FAAH2: variants seen among roughly 807,000 people sequenced by gnomAD.
FAAH2 encodes the protein fatty-acid amide hydrolase 2.
FAAH2 carries 60 observed loss-of-function variants against 36.9 expected under a neutral mutation model. The ratio of observed to expected loss-of-function variants is 1.63; its 90% CI spans 1.32 to 2.02. FAAH2 has a LOEUF of 2.02. FAAH2 is among the 30% of genes most tolerant of loss of function. The pLI, the probability that FAAH2 is intolerant of heterozygous loss-of-function variation, is 0.00. For missense variants in FAAH2, 689 were observed against 397.5 expected, an observed-to-expected ratio of 1.73 and a Z score of -6.23; for synonymous variants, 214 against 143.8, an observed-to-expected ratio of 1.49 and a Z score of -3.49.
intron 10 of FAAH2, among the ~76,000 whole-genome samples, chrX:57,482,373 C>A (rs1372936658): frequency 9.0e-6 from 1 of 111,451 alleles, no homozygotes; most frequent in Non-Finnish European, 1.9e-5. Context: ...AACTCAGGGC[C>A]CCGGTGGTGT....
the FAAH2 span, among the ~76,000 whole-genome samples, chrX:57,265,207 C>T: frequency 2.7e-5 from 3 of 111,573 alleles, no homozygotes; most frequent in African/African-American, 3.3e-5. Flanking sequence ...CAGGCATGCA[C>T]GAGACTCAGG....
At chrX:57,352,297 A>C (rs1009597700) in intron 5 of FAAH2, among the ~76,000 whole-genome samples, 2 of 105,105 alleles carry the variant, frequency 1.9e-5, no homozygotes, top group East Asian at 6.1e-4. Context: ...CAGGGATGTA[A>C]AAATGGTTCG....
the FAAH2 span, among the ~76,000 whole-genome samples, chrX:57,268,383 A>C: frequency 8.9e-6 from 1 of 111,841 alleles, no homozygotes; most frequent in East Asian, 2.8e-4. Context: ...TGATTGGTGT[A>C]CCTGAAAGAG....
Position 57,331,578 on chromosome X carries a change from C to T in FAAH2, c.413-20C>T. On this transcript the variant is annotated intron_variant, in intron 3 of 10. Transcript: ENST00000374900. ...TTTTATTTAATAATTTTTAAACATT[C>T]TTTTCTGTGACTCTTTTAGGAATGC... The T allele has an allele frequency of 1.7e-6, 2 of 1,182,703 alleles. No individual in the cohort carries two copies. The highest frequency in any genetic ancestry group is 1.9e-5 in the South Asian group (1 of 53,910).
At chrX:57,248,102 C>T in the FAAH2 span, among the ~76,000 whole-genome samples, 21 of 111,730 alleles carry the variant, frequency 1.9e-4, no homozygotes, top group African/African-American at 6.5e-4. Context: ...AGCTAACATT[C>T]TAGAGAAGAA....
intron 7 of FAAH2, chrX:57,392,645 A>C: frequency 1.4e-6 from 1 of 691,637 alleles, no homozygotes; most frequent in African/African-American, 2.1e-5. Context: ...TGATCTGTTT[A>C]GAATGATCCA....
the FAAH2 span, among the ~76,000 whole-genome samples, chrX:57,208,334 C>A: frequency 8.9e-6 from 1 of 112,339 alleles, no homozygotes; most frequent in African/African-American, 3.2e-5. Context: ...TTCCTTCTTC[C>A]TCATCATTAG....
chrX:57,258,976 C>T, the FAAH2 span, among the ~76,000 whole-genome samples: 1 of 110,187 alleles, frequency 9.1e-6, no homozygotes, highest in African/African-American at 3.3e-5. Flanking sequence ...GCCTCAGCCT[C>T]CCAAAGTGCT....
chrX:57,338,334 G>T (rs2053604975), intron 4 of FAAH2, among the ~76,000 whole-genome samples: 1 of 111,812 alleles, frequency 8.9e-6, no homozygotes, highest in South Asian at 3.8e-4. Flanking sequence ...ACAAGGTAAT[G>T]TAATCACTTA....
At chrX:57,149,152 G>A in the FAAH2 span, among the ~76,000 whole-genome samples, 88 of 111,622 alleles carry the variant, frequency 7.9e-4, 1 homozygote, top group East Asian at 9.3e-3. Flanking sequence ...TGCTGGATTC[G>A]TTTTGCCAGT....
In FAAH2 at chrX:57,488,743, T is replaced by C. The variant is rs1331061853; in HGVS notation, c.1424-14T>C. The C allele has an allele frequency of 8.3e-7, 1 of 1,206,136 alleles. No individual in the cohort carries two copies. Among genetic ancestry groups the C allele is most frequent in the Admixed American group, 2.2e-5 (1 of 44,789 alleles). On this transcript the variant is annotated splice_polypyrimidine_tract_variant and intron_variant, in intron 10 of 10. Coordinates refer to ENST00000374900, the MANE Select transcript of FAAH2 (RefSeq NM_174912.4). ...AGGTCTTGATTTCTCACTTATTTTGTTTGTTTTCTTCAGGTGTCTTCAGTG... is the reference window on the plus strand; with the variant it reads ...AGGTCTTGATTTCTCACTTATTTTGCTTGTTTTCTTCAGGTGTCTTCAGTG...
At chrX:57,382,509 A>T (rs967942896) in intron 7 of FAAH2, among the ~76,000 whole-genome samples, 1 of 112,089 alleles carries the variant, frequency 8.9e-6, no homozygotes. Flanking sequence ...CACCAATCCC[A>T]CAGAAGTACA....
intron 10 of FAAH2, among the ~76,000 whole-genome samples, chrX:57,471,135 TATC>T (rs1319389954): frequency 1.1e-4 from 12 of 111,556 alleles, no homozygotes; most frequent in Non-Finnish European, 1.9e-4. Flanking sequence ...TCACAGCCAA[TATC>T]ATACTGAATG....
chrX:57,413,142 G>A (rs1043910666), intron 7 of FAAH2, among the ~76,000 whole-genome samples: 2 of 111,802 alleles, frequency 1.8e-5, no homozygotes, highest in Non-Finnish European at 3.8e-5. Context: ...CAGATGGAGA[G>A]ATTGCAAAAA....
At chrX:57,168,488 A>G in the FAAH2 span, among the ~76,000 whole-genome samples, 1 of 112,223 alleles carries the variant, frequency 8.9e-6, no homozygotes, top group Non-Finnish European at 1.9e-5. Flanking sequence ...CTTCAAATCA[A>G]ATAATCACAT....
chrX:57,124,202 A>G, the FAAH2 span, among the ~76,000 whole-genome samples: 3 of 111,695 alleles, frequency 2.7e-5, no homozygotes, highest in Admixed American at 9.4e-5. Context: ...GAAGGGATCC[A>G]GTTTCAGCTT....
chrX:57,330,418 G>C (rs770729001), intron 3 of FAAH2, among the ~76,000 whole-genome samples: 1 of 111,588 alleles, frequency 9.0e-6, no homozygotes, highest in Admixed American at 9.5e-5. Context: ...GTTCAGACTG[G>C]TTGCTCTCAA....
chrX:57,335,518 C>T (rs751521398), intron 4 of FAAH2, among the ~76,000 whole-genome samples: 6 of 113,227 alleles, frequency 5.3e-5, no homozygotes, highest in Admixed American at 4.6e-4. Flanking sequence ...GTATTGCTGC[C>T]AGCATGTCCC....
At chrX:57,474,366 C>T (rs771674345) in intron 10 of FAAH2, among the ~76,000 whole-genome samples, 4 of 110,513 alleles carry the variant, frequency 3.6e-5, no homozygotes, top group African/African-American at 9.9e-5. Flanking sequence ...CCTTGTCCCC[C>T]GCCCCCAACA....
Sources: allele counts gnomAD v4.1 joint callset (sites outside exome capture counted in the v4.1 genomes callset), GRCh38; gene constraint gnomAD v4.1.1; transcripts MANE v1.5; gene names NCBI Gene and HGNC (gene_info 2026-07-23, HGNC 2026-07-21).